The following CNTNAP2 variants were observed in gnomAD, a reference collection of about 807,000 sequenced individuals.
CNTNAP2 encodes contactin-associated protein-like 2.
In CNTNAP2, 98 loss-of-function variants were observed where a neutral mutation model predicts 155.2. The observed-to-expected ratio is 0.63, with a 90% CI of 0.54 to 0.75. CNTNAP2 has a LOEUF of 0.75. CNTNAP2 is among the 30% of genes least tolerant of loss of function. CNTNAP2 has a pLI of 0.00. For missense variants in CNTNAP2, 1,727 were observed against 1,688.1 expected, an observed-to-expected ratio of 1.02 and a Z score of -0.40; for synonymous variants, 651 against 631.2, an observed-to-expected ratio of 1.03 and a Z score of -0.47.
intron 3 of CNTNAP2, among the ~76,000 whole-genome samples, chr7:147,002,012 A>G (rs1016220958): frequency 1.3e-5 from 2 of 152,010 alleles, no homozygotes; most frequent in Non-Finnish European, 2.9e-5. Context: ...TTAGAGAAAT[A>G]AAGTTGAGAA....
At position 148,128,501 on chromosome 7, in the gene CNTNAP2, T is replaced by C. The variant is rs1804760463; in HGVS notation, c.2554+10213T>C. The stretch of plus-strand genomic sequence containing the variant: ...AAACTAAAATGAAATTTGTGCTATA[T>C]TAAAGCTTTTCATATAATAGCTTTT... On this transcript the variant is annotated intron_variant, in intron 16 of 23. Coordinates refer to ENST00000361727, the MANE Select transcript of CNTNAP2 (RefSeq NM_014141.6). 1.3e-5 allele frequency among the ~76,000 whole-genome samples: 2 copies of C among 152,204 alleles called. 1 individual carries two copies. Among genetic ancestry groups the C allele is most frequent in the South Asian group, 4.1e-4 (2 of 4,824 alleles).
At chr7:147,961,608 T>C (rs1290143025) in intron 14 of CNTNAP2, among the ~76,000 whole-genome samples, 1 of 152,158 alleles carries the variant, frequency 6.6e-6, no homozygotes, top group African/African-American at 2.4e-5. Flanking sequence ...AACATTTCTA[T>C]TGGGCAATAT....
At chr7:146,487,936 T>C (rs1457712549) in intron 1 of CNTNAP2, among the ~76,000 whole-genome samples, 1 of 152,146 alleles carries the variant, frequency 6.6e-6, no homozygotes, top group Non-Finnish European at 1.5e-5. Context: ...TAAAGGTTAA[T>C]AGAACTGCGG....
At chr7:147,986,967 C>A (rs1801629908) in intron 15 of CNTNAP2, among the ~76,000 whole-genome samples, 1 of 150,090 alleles carries the variant, frequency 6.7e-6, no homozygotes, top group Non-Finnish European at 1.5e-5. Context: ...AAAGCAAAAA[C>A]GCCCTGGAGT....
chr7:147,617,671 A>T (rs60306965), intron 12 of CNTNAP2, among the ~76,000 whole-genome samples: 29,871 of 152,022 alleles, frequency 0.2, 3,103 homozygotes, highest in Middle Eastern at 0.24. Context: ...TAAAAACAGC[A>T]CGCAACCCAG....
chr7:147,272,680 TGTATTTG>T (rs1804782290), intron 8 of CNTNAP2, among the ~76,000 whole-genome samples: 1 of 150,642 alleles, frequency 6.6e-6, no homozygotes, highest in Non-Finnish European at 1.5e-5. Context: ...TTTTTTTTTT[TGTATTTG>T]TAGTGGAGAT....
Position 146,819,766 on chromosome 7 carries a change from T to G in CNTNAP2, c.209-19945T>G, listed in dbSNP as rs369721964. Reference sequence around the variant, plus strand: ...TTTTTTCCGTTTCAGGAATTGCTACTAACTCACTTCAAGTTTCTCAACTCA... The same window carrying G: ...TTTTTTCCGTTTCAGGAATTGCTACGAACTCACTTCAAGTTTCTCAACTCA... On this transcript the variant is annotated intron_variant, in intron 2 of 23. Coordinates refer to ENST00000361727, the MANE Select transcript of CNTNAP2 (RefSeq NM_014141.6). Among the ~76,000 whole-genome samples, 25 of 152,282 alleles carry G rather than the reference T, an allele frequency of 1.6e-4. 1 individual carries two copies. The highest frequency in any genetic ancestry group is 6.5e-4 in the Admixed American group (10 of 15,278).
At chr7:147,488,631 A>G (rs1798552319) in intron 11 of CNTNAP2, among the ~76,000 whole-genome samples, 1 of 152,180 alleles carries the variant, frequency 6.6e-6, no homozygotes, top group Non-Finnish European at 1.5e-5. Context: ...TACAGGCTAC[A>G]ATATTTTAGC....
chr7:148,109,375 T>G (rs188491669), intron 15 of CNTNAP2, among the ~76,000 whole-genome samples: 1,553 of 151,810 alleles, frequency 0.01, 17 homozygotes, highest in South Asian at 0.043. Context: ...TTTGTTTTGT[T>G]TTGTTTTGTT....
At chr7:148,007,880 G>A (rs1176303504) in intron 15 of CNTNAP2, among the ~76,000 whole-genome samples, 2 of 152,076 alleles carry the variant, frequency 1.3e-5, no homozygotes, top group Admixed American at 6.6e-5. Context: ...GGCCTAAAAA[G>A]GTATCTGTGA....
chr7:148,345,629 C>T (rs1798313000), intron 21 of CNTNAP2, among the ~76,000 whole-genome samples: 1 of 152,112 alleles, frequency 6.6e-6, no homozygotes, highest in African/African-American at 2.4e-5. Context: ...GTGATTCGCC[C>T]ATCTCGGCCT....
chr7:147,965,442 C>T (rs940343909), intron 14 of CNTNAP2, among the ~76,000 whole-genome samples: 2 of 151,934 alleles, frequency 1.3e-5, no homozygotes, highest in Non-Finnish European at 2.9e-5. Flanking sequence ...TCTTCTCTCT[C>T]ATCTCCCATT....
At chr7:146,261,934 A>G (rs1799924639) in intron 1 of CNTNAP2, among the ~76,000 whole-genome samples, 1 of 152,192 alleles carries the variant, frequency 6.6e-6, no homozygotes, top group Admixed American at 6.5e-5. Flanking sequence ...CTAATGAACA[A>G]GCACCTCTGA....
intron 21 of CNTNAP2, among the ~76,000 whole-genome samples, chr7:148,366,826 A>C (rs79273764): frequency 0.03 from 4,361 of 144,802 alleles, 89 homozygotes; most frequent in Middle Eastern, 0.067. Context: ...AAATGACCCC[A>C]AAAAAAAAAG....
chr7:147,101,640 G>A (rs546522583), intron 4 of CNTNAP2, among the ~76,000 whole-genome samples: 170 of 152,220 alleles, frequency 1.1e-3, no homozygotes, highest in Non-Finnish European at 1.9e-3. Flanking sequence ...GGCTCTCAGC[G>A]GGATGGATGG....
chr7:146,634,528 A>G (rs1281912437), intron 1 of CNTNAP2, among the ~76,000 whole-genome samples: 1 of 152,202 alleles, frequency 6.6e-6, no homozygotes, highest in African/African-American at 2.4e-5. Context: ...ATAAACAAAT[A>G]AAGAAATTAA....
At chr7:146,555,496 GTCTATCTATCTATCTA>G (rs200118562) in intron 1 of CNTNAP2, among the ~76,000 whole-genome samples, 9 of 52,400 alleles carry the variant, frequency 1.7e-4, no homozygotes, top group Middle Eastern at 8.2e-3. Context: ...TCATCTGTCT[GTCTATCTATCTATCTA>G]TCTATCTATC....
chr7:146,243,638 G>A (rs1343626521), intron 1 of CNTNAP2, among the ~76,000 whole-genome samples: 3 of 152,108 alleles, frequency 2.0e-5, no homozygotes, highest in Non-Finnish European at 1.5e-5. Context: ...GGATATAGAT[G>A]TGGGTTCGAA....
At chr7:147,165,186 C>T (rs1027661461) in intron 8 of CNTNAP2, among the ~76,000 whole-genome samples, 8 of 151,852 alleles carry the variant, frequency 5.3e-5, no homozygotes, top group Non-Finnish European at 2.9e-5. Flanking sequence ...TTCTTTATGG[C>T]CATTCTTGCA....
Sources: allele counts gnomAD v4.1 joint callset (sites outside exome capture counted in the v4.1 genomes callset), GRCh38; gene constraint gnomAD v4.1.1; transcripts MANE v1.5; gene names NCBI Gene and HGNC (gene_info 2026-07-23, HGNC 2026-07-21).